Variants in ADAMTS17 observed in about 807,000 individuals in gnomAD.
ADAMTS17 encodes the protein ADAM metallopeptidase with thrombospondin type 1 motif 17.
ADAMTS17 carries 113 observed loss-of-function variants against 141.5 expected under a neutral mutation model. The observed-to-expected ratio is 0.80, with a 90% CI of 0.69 to 0.93. The LOEUF (loss-of-function observed/expected upper bound fraction) is 0.93. Among genes scored for constraint, ADAMTS17 ranks in the 40% least tolerant of loss-of-function variants. The pLI, the probability that ADAMTS17 is intolerant of heterozygous loss-of-function variation, is 0.00. For missense variants in ADAMTS17, 1,659 were observed against 1,517.9 expected, an observed-to-expected ratio of 1.09 and a Z score of -1.54; for synonymous variants, 768 against 630.6, an observed-to-expected ratio of 1.22 and a Z score of -3.27.
At position 100,067,149 on chromosome 15, in the gene ADAMTS17, C is replaced by T. The variant is rs570670416; in HGVS notation, c.2138-13095G>A. 1.0e-3 allele frequency among the ~76,000 whole-genome samples: 158 copies of T among 152,098 alleles called. 1 individual carries two copies. Among genetic ancestry groups the T allele is most frequent in the African/African-American group, 3.6e-3 (149 of 41,456 alleles). ...CTAAGTGTCGTTCCTTTCTAAGTGG[C>T]CCATCTGTCTCAGCAATATTCCTTC... is the stretch of plus-strand genomic sequence containing the variant. On this transcript the variant is annotated intron_variant, in intron 15 of 21. Coordinates refer to ENST00000268070, the MANE Select transcript of ADAMTS17 (RefSeq NM_139057.4).
chr15:100,069,176 G>A (rs756301138), intron 15 of ADAMTS17, among the ~76,000 whole-genome samples: 6 of 152,178 alleles, frequency 3.9e-5, no homozygotes, highest in Non-Finnish European at 8.8e-5. Flanking sequence ...AATGAAGCGA[G>A]AAGAGAAGTT....
intron 8 of ADAMTS17, among the ~76,000 whole-genome samples, chr15:100,162,957 T>C (rs1429455183): frequency 1.4e-5 from 2 of 142,664 alleles, no homozygotes; most frequent in African/African-American, 5.1e-5. Flanking sequence ...TGTATATATA[T>C]AACTATATAT....
chr15:100,038,159 T>C (rs1246437316), intron 18 of ADAMTS17, among the ~76,000 whole-genome samples: 2 of 152,238 alleles, frequency 1.3e-5, no homozygotes, highest in African/African-American at 4.8e-5. Flanking sequence ...GGCACCCTGG[T>C]GGAAAAGCAG....
intron 18 of ADAMTS17, among the ~76,000 whole-genome samples, chr15:100,020,370 G>A (rs1458699120): frequency 1.3e-5 from 2 of 152,206 alleles, no homozygotes; most frequent in Non-Finnish European, 1.5e-5. Flanking sequence ...CAGGGGAAGC[G>A]CTCCCTCAGC....
intron 10 of ADAMTS17, among the ~76,000 whole-genome samples, chr15:100,142,096 C>T (rs920709598): frequency 6.6e-6 from 1 of 152,260 alleles, no homozygotes; most frequent in Non-Finnish European, 1.5e-5. Flanking sequence ...ACCCATCTTC[C>T]TGAAGACTTT....
chr15:100,269,338 G>A (rs1442537966), intron 4 of ADAMTS17, among the ~76,000 whole-genome samples: 1 of 152,202 alleles, frequency 6.6e-6, no homozygotes, highest in Non-Finnish European at 1.5e-5. Context: ...ATTTCTTTAT[G>A]TACCCAGGAG....
chr15:100,136,957 C>G (rs1419409927), intron 10 of ADAMTS17, among the ~76,000 whole-genome samples: 3 of 152,198 alleles, frequency 2.0e-5, no homozygotes, highest in African/African-American at 7.2e-5. Context: ...TCTACAGGCA[C>G]TGGAGTGAGT....
intron 8 of ADAMTS17, among the ~76,000 whole-genome samples, chr15:100,168,900 C>T (rs2040052760): frequency 6.6e-6 from 1 of 152,228 alleles, no homozygotes; most frequent in Non-Finnish European, 1.5e-5. Flanking sequence ...GAGGACCCTC[C>T]CCTTGCCCCC....
chr15:100,140,399 A>C (rs2038567377), intron 10 of ADAMTS17, among the ~76,000 whole-genome samples: 1 of 151,814 alleles, frequency 6.6e-6, no homozygotes, highest in South Asian at 2.1e-4. Context: ...AAAAAATAAC[A>C]CAATTTTTTA....
intron 13 of ADAMTS17, 46 bp downstream of exon 13, chr15:100,116,801 G>T: frequency 1.2e-6 from 2 of 1,613,416 alleles, no homozygotes; most frequent in Non-Finnish European, 1.7e-6. Flanking sequence ...ATATTCTTAG[G>T]GGAGGACAGG....
chr15:99,993,157 G>A lies in ADAMTS17; in HGVS notation c.2840C>T (p.Ala947Val), dbSNP rs374781820. 6.2e-5 allele frequency: 100 copies of A among 1,614,112 alleles called. No homozygotes were observed. Among genetic ancestry groups the A allele is most frequent in the African/African-American group, 2.1e-4 (16 of 75,030 alleles). The change falls in exon 20 of 22, where the codon GCG (alanine) becomes GTG (valine). Residue 947 changes from alanine to valine, a missense_variant. Ala to Val is a moderately conservative substitution (Grantham distance 64). Coordinates refer to ENST00000268070, the MANE Select transcript of ADAMTS17 (RefSeq NM_139057.4). This position sits in a 1 kb window ranked among gnomAD's most constrained non-coding sequence, Gnocchi z 4.3. Reference sequence around the variant, plus strand: ...GCATTTCCCTTGTGAGTTGGTGCACGCCACGGTCCGTTTCCACACCCCTTT... The same window carrying A: ...GCATTTCCCTTGTGAGTTGGTGCACACCACGGTCCGTTTCCACACCCCTTT... Reference protein sequence around the residue: ...CGKGVWKRTVACTNSQGKCDA... With the variant: ...CGKGVWKRTVVCTNSQGKCDA...
At chr15:100,245,750 C>G (rs2042966946) in intron 7 of ADAMTS17, among the ~76,000 whole-genome samples, 1 of 152,170 alleles carries the variant, frequency 6.6e-6, no homozygotes, top group Non-Finnish European at 1.5e-5. Context: ...TTGGAAGGAT[C>G]TAACAAGCGC....
At chr15:100,183,887 G>C (rs911847491) in intron 8 of ADAMTS17, among the ~76,000 whole-genome samples, 1 of 152,204 alleles carries the variant, frequency 6.6e-6, no homozygotes, top group Non-Finnish European at 1.5e-5. Flanking sequence ...TGGTATCGTT[G>C]AGGCTCCTCT....
chr15:100,113,792 C>G (rs183891981), intron 13 of ADAMTS17, among the ~76,000 whole-genome samples: 1 of 152,232 alleles, frequency 6.6e-6, no homozygotes, highest in Non-Finnish European at 1.5e-5. Context: ...CTAACCATCA[C>G]GCCCCTCATC....
At chr15:100,019,236 A>G (rs1387348829) in intron 18 of ADAMTS17, among the ~76,000 whole-genome samples, 1 of 152,214 alleles carries the variant, frequency 6.6e-6, no homozygotes, top group African/African-American at 2.4e-5. Context: ...GTGGATATAT[A>G]CATATATAGT....
intron 18 of ADAMTS17, among the ~76,000 whole-genome samples, chr15:100,031,836 G>C (rs1021623592): frequency 5.1e-4 from 77 of 152,306 alleles, no homozygotes; most frequent in African/African-American, 1.8e-3. Flanking sequence ...TATTTGTAGA[G>C]TACTCACCGT....
intron 7 of ADAMTS17, among the ~76,000 whole-genome samples, chr15:100,202,165 C>A (rs1190858458): frequency 6.6e-6 from 1 of 152,216 alleles, no homozygotes; most frequent in Non-Finnish European, 1.5e-5. Context: ...ACAAACACAT[C>A]CCCCCTGGCC....
intron 7 of ADAMTS17, among the ~76,000 whole-genome samples, chr15:100,219,813 C>T (rs1181132399): frequency 6.6e-6 from 1 of 152,202 alleles, no homozygotes; most frequent in Non-Finnish European, 1.5e-5. Context: ...CACATGCTCC[C>T]TTCATGCAAA....
intron 18 of ADAMTS17, among the ~76,000 whole-genome samples, chr15:100,039,329 G>A (rs1362049150): frequency 2.0e-5 from 3 of 152,034 alleles, no homozygotes; most frequent in Non-Finnish European, 4.4e-5. Flanking sequence ...TACATGGAAG[G>A]TTAGTTTACT....
Sources: allele counts gnomAD v4.1 joint callset (sites outside exome capture counted in the v4.1 genomes callset), GRCh38; gene constraint gnomAD v4.1.1; non-coding constraint Gnocchi (gnomAD v3.1); transcripts MANE v1.5; gene names NCBI Gene and HGNC (gene_info 2026-07-23, HGNC 2026-07-21).